RTKN2: variants seen among roughly 807,000 people sequenced by gnomAD.
The protein encoded by RTKN2 is rhotekin 2, also known as rhotekin-2.
A neutral mutation model predicts 71.5 loss-of-function variants in RTKN2; 69 were observed. That is an observed-to-expected ratio of 0.96 (90% CI 0.79 to 1.18). The LOEUF (loss-of-function observed/expected upper bound fraction) is 1.18. RTKN2 is among the 50% of genes most tolerant of loss of function. The pLI is 0.00. For missense variants in RTKN2, 724 were observed against 719.7 expected, an observed-to-expected ratio of 1.01 and a Z score of -0.07; for synonymous variants, 236 against 236.5, an observed-to-expected ratio of 1.00 and a Z score of 0.02.
At chr10:62,254,519 C>A (rs1021485787) in intron 2 of RTKN2, among the ~76,000 whole-genome samples, 1 of 152,094 alleles carries the variant, frequency 6.6e-6, no homozygotes, top group African/African-American at 2.4e-5. Context: ...CAAAGTAATA[C>A]AATTATTTCA....
chr10:62,252,779 G>A (rs1209571274), intron 2 of RTKN2, among the ~76,000 whole-genome samples: 1 of 151,974 alleles, frequency 6.6e-6, no homozygotes, highest in African/African-American at 2.4e-5. Flanking sequence ...AAATTAAGAA[G>A]AGGTTTAGTT....
At chr10:62,219,008 A>AAAAACAAAAAC (rs1288940977) in intron 7 of RTKN2, among the ~76,000 whole-genome samples, 46 of 152,272 alleles carry the variant, frequency 3.0e-4, no homozygotes, top group Non-Finnish European at 6.3e-4. Context: ...AAACAAAAAC[A>AAAAACAAAAAC]AAAAACATTA....
chr10:62,188,532 G>C (rs997233148), downstream of RTKN2, among the ~76,000 whole-genome samples: 5 of 152,062 alleles, frequency 3.3e-5, no homozygotes, highest in African/African-American at 9.7e-5. Context: ...GTTCGTGAAC[G>C]TATTCTAAAT....
intron 2 of RTKN2, among the ~76,000 whole-genome samples, chr10:62,248,255 G>C (rs1842514308): frequency 6.6e-6 from 1 of 152,038 alleles, no homozygotes; most frequent in Non-Finnish European, 1.5e-5. Context: ...TAAAAAATGA[G>C]AGGAGAAAAA....
intron 2 of RTKN2, among the ~76,000 whole-genome samples, chr10:62,252,454 C>A (rs1188019286): frequency 6.6e-6 from 1 of 151,902 alleles, no homozygotes; most frequent in Non-Finnish European, 1.5e-5. Flanking sequence ...TGAACTTCTT[C>A]CAAAAGGATG....
chr10:62,218,449 CT>C, intron 7 of RTKN2, 148 bp from the exon 8 acceptor site: 1 of 559,832 alleles, frequency 1.8e-6, no homozygotes, highest in South Asian at 2.5e-5. Flanking sequence ...AAGATTCATC[CT>C]ACCCAAATAC....
intron 6 of RTKN2, among the ~76,000 whole-genome samples, chr10:62,232,397 C>T (rs577215331): frequency 2.0e-5 from 3 of 150,344 alleles, no homozygotes; most frequent in African/African-American, 4.9e-5. Context: ...TCACTTTAGC[C>T]TCAACCTCCC....
chr10:62,201,406 A>C (rs66964413), intron 10 of RTKN2, among the ~76,000 whole-genome samples: 3,891 of 152,256 alleles, frequency 0.026, 67 homozygotes, highest in Non-Finnish European at 0.039. Flanking sequence ...ATTTCAAAAT[A>C]AGCCACACAG....
At chr10:62,248,171 G>C (rs1842512256) in intron 2 of RTKN2, among the ~76,000 whole-genome samples, 1 of 151,986 alleles carries the variant, frequency 6.6e-6, no homozygotes, top group South Asian at 2.1e-4. Flanking sequence ...AGCAAACTTA[G>C]TATACACAAA....
Position 62,195,035 on chromosome 10 carries a change from C to T in RTKN2, c.*2873G>A. On this transcript the variant is annotated 3_prime_UTR_variant, in exon 12 of 12. Transcript: ENST00000373789. ...TGTGCATTTAGAATTTTAAAAATGC[C>T]TTCTTTGCCCTTGCAAGATATTAAA... 1 of 984,984 alleles carries T rather than the reference C, an allele frequency of 1.0e-6. No homozygotes were observed. Among genetic ancestry groups the T allele is most frequent in the Non-Finnish European group, 1.2e-6 (1 of 829,564 alleles). 61.0% of individuals were successfully genotyped at this position (984,984 alleles called of 1,614,324 possible).
intron 2 of RTKN2, among the ~76,000 whole-genome samples, chr10:62,249,991 G>A (rs1842548573): frequency 6.6e-6 from 1 of 152,082 alleles, no homozygotes; most frequent in Admixed American, 6.6e-5. Flanking sequence ...AGATCAACAA[G>A]GAAAGCAAAT....
At chr10:62,225,472 T>C (rs537628407) in intron 6 of RTKN2, among the ~76,000 whole-genome samples, 1 of 152,366 alleles carries the variant, frequency 6.6e-6, no homozygotes, top group Non-Finnish European at 1.5e-5. Context: ...ACTCTTCTTA[T>C]TGTAATAGCA....
At chr10:62,235,964 A>G (rs111563293) in intron 6 of RTKN2, 102 bp downstream of exon 6, 11 of 850,844 alleles carry the variant, frequency 1.3e-5, no homozygotes, top group African/African-American at 1.0e-4. Flanking sequence ...TTGTTTCCTG[A>G]TGTTTTTCCA....
At chr10:62,258,677 TA>T (rs1467468670) in intron 2 of RTKN2, among the ~76,000 whole-genome samples, 3 of 152,256 alleles carry the variant, frequency 2.0e-5, no homozygotes, top group Non-Finnish European at 4.4e-5. Flanking sequence ...AAGATTTTTT[TA>T]ATTCCAGAAT....
chr10:62,186,096 T>C (rs1841130643), intron 8 of RTKN2, among the ~76,000 whole-genome samples: 1 of 152,224 alleles, frequency 6.6e-6, no homozygotes, highest in Admixed American at 6.5e-5. Flanking sequence ...CTGGAGACTG[T>C]ATGGTGTGGG....
At chr10:62,208,918 T>C (rs1841602459) in intron 9 of RTKN2, among the ~76,000 whole-genome samples, 1 of 152,188 alleles carries the variant, frequency 6.6e-6, no homozygotes. Flanking sequence ...TATATGACCC[T>C]TCCTAAAATG....
chr10:62,208,648 T>C (rs924042302), intron 9 of RTKN2, among the ~76,000 whole-genome samples: 1 of 151,904 alleles, frequency 6.6e-6, no homozygotes, highest in African/African-American at 2.4e-5. Context: ...GTAACTGACA[T>C]ATAAATGGGA....
chr10:62,232,323 T>G (rs1331157615), intron 6 of RTKN2, among the ~76,000 whole-genome samples: 1 of 150,504 alleles, frequency 6.6e-6, no homozygotes, highest in Admixed American at 6.6e-5. Flanking sequence ...TTCTTTTTTT[T>G]TTTTTTTTTG....
At chr10:62,246,123 T>A in intron 2 of RTKN2, 66 bp from the exon 3 acceptor site, 1 of 1,004,054 alleles carries the variant, frequency 1.0e-6, no homozygotes, top group Non-Finnish European at 1.5e-6. Flanking sequence ...TAACAGTGTT[T>A]CACAAATGTC....
Sources: allele counts gnomAD v4.1 joint callset (sites outside exome capture counted in the v4.1 genomes callset), GRCh38; gene constraint gnomAD v4.1.1; transcripts MANE v1.5; gene names NCBI Gene and HGNC (gene_info 2026-07-23, HGNC 2026-07-21).